Variants in COMMD10 observed in about 807,000 individuals in gnomAD.
The protein encoded by COMMD10 is COMM domain containing 10, also known as COMM domain-containing protein 10.
Under a neutral mutation model 28.9 loss-of-function variants are expected in COMMD10, and 33 were observed. The ratio of observed to expected loss-of-function variants is 1.14; its 90% CI spans 0.87 to 1.53. COMMD10 has a LOEUF of 1.53. COMMD10 is among the 40% of genes most tolerant of loss of function. The probability of loss-of-function intolerance (pLI) is 0.00; values close to 1 mark genes in which losing one functional copy is unlikely to be tolerated. For missense variants in COMMD10, 310 were observed against 233.4 expected, an observed-to-expected ratio of 1.33 and a Z score of -2.14; for synonymous variants, 110 against 81.7, an observed-to-expected ratio of 1.35 and a Z score of -1.87.
rs541477664 is a variant in COMMD10, at chr5:116,110,922, A to G, written c.399+18222A>G. On this transcript the variant is annotated intron_variant, in intron 4 of 6. Transcript: ENST00000274458. ...CTGAGAAACCTGCCTCCATCATCCA[A>G]TCACCTCCCATCAGGCCCCACCTCC... Among the ~76,000 whole-genome samples, 72 of 152,256 alleles carry G rather than the reference A, an allele frequency of 4.7e-4. No homozygotes were observed. In the South Asian group the frequency reaches 0.013, roughly 27 times the overall value.
intron 4 of COMMD10, among the ~76,000 whole-genome samples, chr5:116,127,075 A>G (rs1435586607): frequency 1.3e-5 from 2 of 152,236 alleles, no homozygotes; most frequent in Non-Finnish European, 2.9e-5. Flanking sequence ...GAACAAATTT[A>G]CAAGAGAAAA....
intron 5 of COMMD10, among the ~76,000 whole-genome samples, chr5:116,253,408 A>T (rs1172934585): frequency 6.6e-6 from 1 of 151,330 alleles, no homozygotes; most frequent in Non-Finnish European, 1.5e-5. Flanking sequence ...GTTTTTGCCC[A>T]TTCAGTATGA....
chr5:116,111,667 T>A (rs1303823106), intron 4 of COMMD10, among the ~76,000 whole-genome samples: 1 of 152,200 alleles, frequency 6.6e-6, no homozygotes, highest in East Asian at 1.9e-4. Flanking sequence ...TTTAAAAATT[T>A]GTTGAGGCTT....
intron 4 of COMMD10, among the ~76,000 whole-genome samples, chr5:116,113,409 T>C (rs1751126123): frequency 6.6e-6 from 1 of 151,742 alleles, no homozygotes; most frequent in African/African-American, 2.4e-5. Flanking sequence ...TTTTGATGTT[T>C]CTGTCCCTTT....
intron 5 of COMMD10, among the ~76,000 whole-genome samples, chr5:116,289,673 G>A (rs1393343355): frequency 6.6e-6 from 1 of 151,874 alleles, no homozygotes; most frequent in Admixed American, 6.6e-5. Flanking sequence ...TGGCATGGGG[G>A]GTGGTGGGTT....
chr5:116,224,578 A>C (rs1029703419), intron 5 of COMMD10, among the ~76,000 whole-genome samples: 1 of 152,062 alleles, frequency 6.6e-6, no homozygotes, highest in Non-Finnish European at 1.5e-5. Flanking sequence ...GCGGTGCCGC[A>C]CTCTTTTAAA....
At chr5:116,217,914 CAA>C (rs879104498) in intron 5 of COMMD10, 85 of 514,418 alleles carry the variant, frequency 1.7e-4, no homozygotes, top group South Asian at 2.5e-4. Flanking sequence ...CAGCATAGCT[CAA>C]AAAAAAAAAG....
At chr5:116,242,703 A>G (rs1351797526) in intron 5 of COMMD10, among the ~76,000 whole-genome samples, 2 of 152,132 alleles carry the variant, frequency 1.3e-5, no homozygotes, top group South Asian at 2.1e-4. Flanking sequence ...AGCCAGAGCA[A>G]TTGCCTGTTC....
intron 5 of COMMD10, among the ~76,000 whole-genome samples, chr5:116,243,842 G>C (rs1375063851): frequency 6.6e-6 from 1 of 152,064 alleles, no homozygotes; most frequent in African/African-American, 2.4e-5. Flanking sequence ...TTTATTCTGG[G>C]CTTGAACCAC....
chr5:116,217,521 A>G (rs1159119775), intron 5 of COMMD10, among the ~76,000 whole-genome samples: 4 of 152,160 alleles, frequency 2.6e-5, no homozygotes, highest in African/African-American at 4.8e-5. Context: ...AAGATCCACA[A>G]TCTAGAAACG....
intron 5 of COMMD10, among the ~76,000 whole-genome samples, chr5:116,260,051 C>A (rs200640896): frequency 6.6e-5 from 10 of 151,610 alleles, no homozygotes; most frequent in Admixed American, 6.6e-4. Flanking sequence ...CACTATCATT[C>A]TTTCTTCTTT....
At position 116,288,482 on chromosome 5, in the gene COMMD10, G is replaced by T. The variant is rs952101500; in HGVS notation, c.511-3035G>T. On this transcript the variant is annotated intron_variant, in intron 5 of 6. Transcript: ENST00000274458. ...TTTCTTGATCTGTATGTACATTTCT[G>T]TCCACAGATTGGGGAAGTTTTCAGC... 2.0e-5 allele frequency among the ~76,000 whole-genome samples: 3 copies of T among 151,730 alleles called. 1 individual carries two copies. Among genetic ancestry groups the T allele is most frequent in the African/African-American group, 7.3e-5 (3 of 41,154 alleles).
chr5:116,225,936 G>A (rs1229233517), intron 5 of COMMD10, among the ~76,000 whole-genome samples: 1 of 151,826 alleles, frequency 6.6e-6, no homozygotes, highest in Non-Finnish European at 1.5e-5. Flanking sequence ...TGCCTTCTGT[G>A]ATTAGCTTGG....
intron 5 of COMMD10, among the ~76,000 whole-genome samples, chr5:116,139,936 C>T (rs532950860): frequency 2.1e-4 from 32 of 151,616 alleles, no homozygotes; most frequent in East Asian, 3.9e-4. Flanking sequence ...TTTCAGTTTA[C>T]GATACAATAT....
At chr5:116,090,250 AG>A (rs1750252433) in intron 2 of COMMD10, among the ~76,000 whole-genome samples, 1 of 152,106 alleles carries the variant, frequency 6.6e-6, no homozygotes, top group African/African-American at 2.4e-5. Context: ...AAATACATGG[AG>A]ATTTTGTTTC....
At chr5:116,177,589 G>C (rs1753558363) in intron 5 of COMMD10, among the ~76,000 whole-genome samples, 1 of 150,786 alleles carries the variant, frequency 6.6e-6, no homozygotes. Context: ...TACTCTGTTA[G>C]TTTCTTTTCA....
chr5:116,206,812 T>C (rs150075216), intron 5 of COMMD10, among the ~76,000 whole-genome samples: 1 of 152,340 alleles, frequency 6.6e-6, no homozygotes, highest in African/African-American at 2.4e-5. Context: ...TGGCAGATTT[T>C]AAAATCAGAA....
At chr5:116,287,608 G>A (rs547850406) in intron 5 of COMMD10, among the ~76,000 whole-genome samples, 9 of 151,638 alleles carry the variant, frequency 5.9e-5, no homozygotes, top group African/African-American at 1.7e-4. Flanking sequence ...ACTTATTGCC[G>A]TTTTGTTAGT....
chr5:116,186,817 G>A (rs1748153387), intron 5 of COMMD10, among the ~76,000 whole-genome samples: 1 of 152,088 alleles, frequency 6.6e-6, no homozygotes, highest in African/African-American at 2.4e-5. Flanking sequence ...TTCCTTAGCA[G>A]CATAATGAAT....
Sources: gnomAD v4.1 joint callset for allele counts (sites outside exome capture counted in the v4.1 genomes callset) on GRCh38, gnomAD v4.1.1 for gene constraint, MANE v1.5 for transcripts, NCBI Gene and HGNC (gene_info 2026-07-23, HGNC 2026-07-21) for gene names.